Variants in AGRN observed in about 807,000 individuals in gnomAD.
The protein encoded by AGRN is agrin proteoglycan.
A neutral mutation model predicts 211.0 loss-of-function variants in AGRN; 106 were observed. The ratio of observed to expected loss-of-function variants is 0.50; its 90% CI spans 0.43 to 0.59. The LOEUF (loss-of-function observed/expected upper bound fraction) is 0.59. Among genes scored for constraint, AGRN ranks in the 20% least tolerant of loss-of-function variants. The pLI, the probability that AGRN is intolerant of heterozygous loss-of-function variation, is 0.00. For missense variants in AGRN, 3,040 were observed against 2,982.6 expected, an observed-to-expected ratio of 1.02 and a Z score of -0.45; for synonymous variants, 1,525 against 1,332.5, an observed-to-expected ratio of 1.14 and a Z score of -3.15.
chr1:1,046,193 G>C lies in AGRN; in HGVS notation c.2839G>C (p.Glu947Gln). 6.2e-7 allele frequency: 1 copy of C among 1,613,834 alleles called. No individual in the cohort carries two copies. Among genetic ancestry groups the C allele is most frequent in the Non-Finnish European group, 8.5e-7 (1 of 1,180,004 alleles). Residue 947 changes from glutamate (E) to glutamine (Q), a missense_variant, in exon 17 of 36, where the codon GAG becomes CAG. Glu to Gln is a conservative substitution (Grantham distance 29, BLOSUM62 2). Around this residue, in one of 3 missense-constraint regions of AGRN, gnomAD observed 1,498 missense variants for 1,457.8 expected, o/e 1.03. Coordinates refer to ENST00000379370, the MANE Select transcript of AGRN (RefSeq NM_198576.4). Reference protein sequence around the residue: ...CGSDGVTYGNECQLKTIACRQ... With the variant: ...CGSDGVTYGNQCQLKTIACRQ... ...GTCAGATGGAGTCACATACGGCAAC[G>C]AGTGTCAGCTGAAGACCATCGCCTG...
chr1:1,050,196 G>C, intron 27 of AGRN, 37 bp from the exon 28 acceptor site: 1 of 1,611,086 alleles, frequency 6.2e-7, no homozygotes, highest in Non-Finnish European at 8.5e-7. Context: ...GGAGGCCCCG[G>C]GGGTCAGGAC....
At chr1:1,024,699 C>T (rs1644480695) in intron 2 of AGRN, among the ~76,000 whole-genome samples, 1 of 152,168 alleles carries the variant, frequency 6.6e-6, no homozygotes, top group Non-Finnish European at 1.5e-5. Flanking sequence ...TTCCTTTCCT[C>T]AGTTTCTCAC....
chr1:1,049,634 A>G lies in AGRN; in HGVS notation c.4583A>G (p.Gln1528Arg). 6.3e-7 allele frequency: 1 copy of G among 1,588,398 alleles called. No homozygotes were observed. Among genetic ancestry groups the G allele is most frequent in the South Asian group, 1.1e-5 (1 of 87,768 alleles). ...ATCCGTTTGCTGGACGTCAACAACC[A>G]GCGCCTGGAGCTTGGCATTGGGCCG... The part of the protein sequence containing the change: ...GCIRLLDVNN[Q>R]RLELGIGPGA... The change falls in exon 26 of 36, where the codon CAG (glutamine) becomes CGG (arginine). Residue 1528 changes from glutamine to arginine, a missense_variant. Transcript: ENST00000379370.
intron 33 of AGRN, chr1:1,053,115 C>G: frequency 3.9e-6 from 1 of 256,680 alleles, no homozygotes; most frequent in Non-Finnish European, 7.8e-6. Flanking sequence ...CCCTGGTCTC[C>G]ACTCCATACC....
intron 27 of AGRN, 22 bp from the exon 28 acceptor site, chr1:1,050,211 G>A (rs755664351): frequency 1.2e-6 from 2 of 1,612,728 alleles, no homozygotes; most frequent in Admixed American, 3.3e-5. Flanking sequence ...CAGGACTGAG[G>A]CCTTGGTGAC....
Position 1,045,183 on chromosome 1 carries a change from G to T in AGRN, c.2277G>T (p.Pro759=). The change falls in exon 13 of 36, where the codon CCG becomes CCT. Residue 759 remains proline, a synonymous_variant. Transcript: ENST00000379370. ...ACRGPTFAPL[P]PVAPLHCAQT... ...CAGGCCCCACCTTCGCCCCGCTGCC[G>T]CCTGTGGCCCCCTTACACTGTGCCC... 1.2e-6 allele frequency: 2 copies of T among 1,612,522 alleles called. No homozygotes were observed. Among genetic ancestry groups the T allele is most frequent in the Non-Finnish European group, 1.7e-6 (2 of 1,179,964 alleles).
Position 1,031,126 on chromosome 1 carries a change from TGTG to T in AGRN, c.464-4150_464-4148del, listed in dbSNP as rs1259876290. On this transcript the variant is annotated intron_variant, in intron 2 of 35. Coordinates refer to ENST00000379370, the MANE Select transcript of AGRN (RefSeq NM_198576.4). The surrounding 1 kb of genome is among the most constrained non-coding windows in gnomAD (Gnocchi z 4.8). ...GTGCGGTGCATGGTGCTGTGTGAGA[TGTG>T]TGTGTGTGCAGTGCATGGTGCTGTG... Among the ~76,000 whole-genome samples the T allele has an allele frequency of 1.6e-5, 2 of 122,934 alleles. No homozygotes were observed. Among genetic ancestry groups the T allele is most frequent in the East Asian group, 2.5e-4 (1 of 4,032 alleles). The allele number at this position is 122,934 out of a possible 152,430, so 80.6% of individuals were successfully genotyped here.
rs1331439384 is a variant in AGRN, at chr1:1,031,019, G to A, written c.464-4258G>A. 7.0e-6 allele frequency among the ~76,000 whole-genome samples: 1 copy of A among 143,068 alleles called. No individual in the cohort carries two copies. The allele number at this position is 143,068 out of a possible 152,430, so 93.9% of individuals were successfully genotyped here. On this transcript the variant is annotated intron_variant, in intron 2 of 35. Coordinates refer to ENST00000379370, the MANE Select transcript of AGRN (RefSeq NM_198576.4). This position sits in a 1 kb window ranked among gnomAD's most constrained non-coding sequence, Gnocchi z 4.8. ...CTGAGTGTGAGATCAGCATGTGTGT[G>A]TGCAGTGCATGGTGCTGTGAGTGTA...
intron 24 of AGRN, 45 bp downstream of exon 24, chr1:1,049,104 GAGGGGACGGGC>G (rs1274224294): frequency 1.0e-6 from 1 of 991,258 alleles, no homozygotes. Flanking sequence ...GGTGGGCGGG[GAGGGGACGGGC>G]GGGGGAGGGG....
Position 1,050,520 on chromosome 1 carries a change from C to A in AGRN, c.5070C>A (p.Phe1690Leu). Residue 1690 changes from phenylalanine to leucine, a missense_variant, in exon 29 of 36, where the codon TTC becomes TTA. Coordinates refer to ENST00000379370, the MANE Select transcript of AGRN (RefSeq NM_198576.4). The stretch of plus-strand genomic sequence containing the variant: ...AGAAGACGGACGGCAAGGGGGACTT[C>A]GTGTCGCTGGCACTGCGGGACCGCC... ...NGQKTDGKGD[F>L]VSLALRDRRL... 6.2e-7 allele frequency: 1 copy of A among 1,612,824 alleles called. No individual in the cohort carries two copies. The highest frequency in any genetic ancestry group is 8.5e-7 in the Non-Finnish European group (1 of 1,179,886).
At chr1:1,022,950 T>G (rs1475980926) in intron 2 of AGRN, among the ~76,000 whole-genome samples, 1 of 152,240 alleles carries the variant, frequency 6.6e-6, no homozygotes, top group African/African-American at 2.4e-5. Flanking sequence ...GAGGTCTTGC[T>G]TGCTGTTCCC....
In AGRN at chr1:1,046,894, G is replaced by A. The variant is rs1221116957; in HGVS notation, c.3325G>A (p.Ala1109Thr). Reference sequence around the variant, plus strand: ...CGAGAGGGCTTCCTGCTACAACTCCGCGTTGGGCTGCTGCTCTGATGGGAA... The same window carrying A: ...CGAGAGGGCTTCCTGCTACAACTCCACGTTGGGCTGCTGCTCTGATGGGAA... ...PVERASCYNS[A>T]LGCCSDGKTP... Residue 1109 changes from alanine (A) to threonine (T), a missense_variant, in exon 19 of 36, where the codon GCG (alanine) becomes ACG (threonine). By Grantham distance (58) the Ala-to-Thr change is moderately conservative. Transcript: ENST00000379370. 3.8e-6 allele frequency: 6 copies of A among 1,583,156 alleles called. No individual in the cohort carries two copies. The highest frequency in any genetic ancestry group is 1.7e-4 in the Middle Eastern group (1 of 6,038).
At chr1:1,028,332 C>T (rs949228294) in intron 2 of AGRN, among the ~76,000 whole-genome samples, 3 of 144,410 alleles carry the variant, frequency 2.1e-5, no homozygotes, top group Non-Finnish European at 4.6e-5. Flanking sequence ...CCCCCCCCCC[C>T]CCCCGCCCTG....
intron 2 of AGRN, among the ~76,000 whole-genome samples, chr1:1,026,846 TGGA>T (rs1410555926): frequency 1.3e-5 from 2 of 152,174 alleles, no homozygotes; most frequent in African/African-American, 4.8e-5. Context: ...AGTCGCCCGC[TGGA>T]GGAGGAGGCT....
At position 1,031,302 on chromosome 1, in the gene AGRN, C is replaced by A. The variant is rs116134705; in HGVS notation, c.464-3975C>A. Among the ~76,000 whole-genome samples, 17 of 152,000 alleles carry A rather than the reference C, an allele frequency of 1.1e-4. No individual in the cohort carries two copies. Among genetic ancestry groups the A allele is most frequent in the Non-Finnish European group, 2.1e-4 (14 of 67,938 alleles). ...ATCAGCATGTGTGTGTATGTGTGTG[C>A]GGTGCATGGTGCTGTGAGTGTGAGA... On this transcript the variant is annotated intron_variant, in intron 2 of 35. Transcript: ENST00000379370. This position sits in a 1 kb window ranked among gnomAD's most constrained non-coding sequence, Gnocchi z 4.8.
rs1470353329 is a variant in AGRN, at chr1:1,055,940, A to C, written c.*959A>C. On this transcript the variant is annotated 3_prime_UTR_variant, in exon 36 of 36. Coordinates refer to ENST00000379370, the MANE Select transcript of AGRN (RefSeq NM_198576.4). ...ATGGCTCCGAAGCCAGAAATGCCTT[A>C]AACTGCAACGTCCCGTCCCTTCCCC... 2 of 152,250 alleles carry C rather than the reference A, an allele frequency of 1.3e-5. No individual in the cohort carries two copies. Among genetic ancestry groups the C allele is most frequent in the African/African-American group, 4.8e-5 (2 of 41,450 alleles). 9.4% of individuals were successfully genotyped at this position (152,250 alleles called of 1,614,324 possible).
chr1:1,053,435 C>T (rs1025093787), intron 33 of AGRN: 76 of 1,425,012 alleles, frequency 5.3e-5, no homozygotes, highest in Middle Eastern at 3.7e-4. Flanking sequence ...CCTGCTCACC[C>T]GCCTCCCTCT....
intron 3 of AGRN, 107 bp from the exon 4 acceptor site, chr1:1,040,558 C>CG (rs1265204728): frequency 3.7e-6 from 5 of 1,345,644 alleles, no homozygotes; most frequent in Non-Finnish European, 5.1e-6. Context: ...CGATGCGGCG[C>CG]GGGGGCGGGT....
chr1:1,040,632 G>T, intron 3 of AGRN, 33 bp from the exon 4 acceptor site: 1 of 1,545,710 alleles, frequency 6.5e-7, no homozygotes. Flanking sequence ...CGGGCGTCTC[G>T]GCACCCTGAG....
Sources: gnomAD v4.1 joint callset for allele counts (sites outside exome capture counted in the v4.1 genomes callset) on GRCh38, gnomAD v4.1.1 for gene constraint, gnomAD v4.1.1 regional missense constraint, Gnocchi (gnomAD v3.1) non-coding constraint, MANE v1.5 for transcripts, NCBI Gene and HGNC (gene_info 2026-07-23, HGNC 2026-07-21) for gene names.